Variants in PRKCE observed in about 807,000 individuals in gnomAD.
The protein encoded by PRKCE is protein kinase C epsilon type.
A neutral mutation model predicts 85.4 loss-of-function variants in PRKCE; 16 were observed. That is an observed-to-expected ratio of 0.19 (90% confidence interval 0.13 to 0.28). The LOEUF (loss-of-function observed/expected upper bound fraction) is 0.28. Ranked by LOEUF, PRKCE falls within the 10% of genes least tolerant of loss-of-function variation. PRKCE has a pLI of 1.00. For missense variants in PRKCE, 573 were observed against 975.2 expected (o/e 0.59, Z 5.49); for synonymous variants, 388 against 371.5 (o/e 1.04, Z -0.51).
At chr2:46,104,806 C>G (rs1671563322) in intron 11 of PRKCE, among the ~76,000 whole-genome samples, 1 of 152,112 alleles carries the variant, frequency 6.6e-6, no homozygotes, top group Non-Finnish European at 1.5e-5. Context: ...GTGTTCTTGT[C>G]CAGGTCCTTT....
chr2:45,938,799 C>T (rs1699668178), intron 2 of PRKCE, among the ~76,000 whole-genome samples: 1 of 152,208 alleles, frequency 6.6e-6, no homozygotes, highest in African/African-American at 2.4e-5. Flanking sequence ...CTTTCTCACT[C>T]ATCTACAGTT....
Position 46,085,237 on chromosome 2 carries a change from C to T in PRKCE, c.1438-971C>T, listed in dbSNP as rs906046594. Among the ~76,000 whole-genome samples, 25 of 152,192 alleles carry T rather than the reference C, an allele frequency of 1.6e-4. No homozygotes were observed. In the South Asian group the frequency reaches 1.9e-3, roughly 11 times the overall value. ...CAATAAGGTGTGACTGTGGTTTGGC[C>T]GTTCTGAGGGCTGCCTTGCAGGAGG... On this transcript the variant is annotated intron_variant, in intron 10 of 14. Coordinates refer to ENST00000306156, the MANE Select transcript of PRKCE (RefSeq NM_005400.3).
At chr2:45,941,047 C>G (rs1275236912) in intron 2 of PRKCE, among the ~76,000 whole-genome samples, 1 of 96,152 alleles carries the variant, frequency 1.0e-5, no homozygotes, top group Admixed American at 1.8e-4. Flanking sequence ...GCCTGGGTGA[C>G]AGAGTGAGAC....
intron 1 of PRKCE, among the ~76,000 whole-genome samples, chr2:45,789,727 C>A (rs1487707544): frequency 1.3e-5 from 2 of 152,212 alleles, no homozygotes; most frequent in Non-Finnish European, 2.9e-5. Flanking sequence ...TTTGAAAATA[C>A]CCCTGCCACC....
intron 14 of PRKCE, among the ~76,000 whole-genome samples, chr2:46,163,996 T>C (rs974438356): frequency 6.6e-6 from 1 of 152,060 alleles, no homozygotes; most frequent in African/African-American, 2.4e-5. Context: ...ACAGAGGTTG[T>C]GGTGAGGTGG....
At chr2:45,720,149 G>A (rs1373250715) in intron 1 of PRKCE, among the ~76,000 whole-genome samples, 2 of 152,118 alleles carry the variant, frequency 1.3e-5, no homozygotes, top group Non-Finnish European at 2.9e-5. Context: ...GAGGGAGAGG[G>A]GCTGGAGGGG....
intron 2 of PRKCE, among the ~76,000 whole-genome samples, chr2:45,941,444 G>A (rs1190150078): frequency 6.6e-6 from 1 of 152,192 alleles, no homozygotes; most frequent in Non-Finnish European, 1.5e-5. Flanking sequence ...ATTACTCTTT[G>A]GAATGGGAGA....
At chr2:46,039,775 C>T (rs1465565249) in intron 10 of PRKCE, among the ~76,000 whole-genome samples, 1 of 152,152 alleles carries the variant, frequency 6.6e-6, no homozygotes, top group Non-Finnish European at 1.5e-5. Flanking sequence ...ATACGAGGCT[C>T]TTCAATTAGA....
intron 1 of PRKCE, among the ~76,000 whole-genome samples, chr2:45,823,586 C>CG (rs1157394414): frequency 6.6e-6 from 1 of 152,156 alleles, no homozygotes. Flanking sequence ...GCAAGAAAGT[C>CG]GGGGGTAGGG....
intron 5 of PRKCE, among the ~76,000 whole-genome samples, chr2:45,981,135 A>T (rs982134003): frequency 3.3e-5 from 5 of 152,212 alleles, no homozygotes; most frequent in African/African-American, 1.2e-4. Flanking sequence ...AAATGCAACA[A>T]TGAAGCTAGG....
intron 1 of PRKCE, among the ~76,000 whole-genome samples, chr2:45,763,783 G>T (rs756224811): frequency 6.6e-6 from 1 of 152,064 alleles, no homozygotes; most frequent in African/African-American, 2.4e-5. Context: ...GGAAAGAGAA[G>T]GCCAGCTCTA....
At chr2:45,901,628 GC>G (rs1254139261) in intron 2 of PRKCE, among the ~76,000 whole-genome samples, 1 of 152,234 alleles carries the variant, frequency 6.6e-6, no homozygotes, top group Non-Finnish European at 1.5e-5. Context: ...AAAGAAATAT[GC>G]TGCTGGGACG....
chr2:45,788,712 T>G (rs7558342), intron 1 of PRKCE, among the ~76,000 whole-genome samples: 74,171 of 152,054 alleles, frequency 0.49, 18,113 homozygotes, highest in East Asian at 0.52. Context: ...ATGTGGACAT[T>G]ATAACATCAA....
At chr2:46,065,228 G>C (rs1667523350) in intron 10 of PRKCE, among the ~76,000 whole-genome samples, 1 of 151,942 alleles carries the variant, frequency 6.6e-6, no homozygotes, top group Non-Finnish European at 1.5e-5. Flanking sequence ...GACTGTTCAA[G>C]ACCTGTATCT....
At chr2:45,857,743 G>A (rs1692794100) in intron 2 of PRKCE, among the ~76,000 whole-genome samples, 1 of 152,046 alleles carries the variant, frequency 6.6e-6, no homozygotes, top group Non-Finnish European at 1.5e-5. Context: ...AGGGTAGGAG[G>A]CAATAAAGTA....
At chr2:45,758,293 A>G (rs889941266) in intron 1 of PRKCE, among the ~76,000 whole-genome samples, 2 of 152,252 alleles carry the variant, frequency 1.3e-5, no homozygotes, top group African/African-American at 4.8e-5. Context: ...ACTGCATGAA[A>G]AGTATTTAGA....
In PRKCE at chr2:46,184,434, AACACACACAC is replaced by A. The variant is rs3834107; in HGVS notation, c.2068-282_2068-273del. On this transcript the variant is annotated intron_variant, in intron 14 of 14. Transcript: ENST00000306156. This position sits in a 1 kb window ranked among gnomAD's most constrained non-coding sequence, Gnocchi z 5.0. ...GGGACCTTTGCATCATACACACACA[AACACACACAC>A]ACACACACACACACACACGTCTGTG... Among the ~76,000 whole-genome samples, 4 of 149,096 alleles carry A rather than the reference AACACACACAC, an allele frequency of 2.7e-5. No homozygotes were observed. Among genetic ancestry groups the A allele is most frequent in the South Asian group, 2.1e-4 (1 of 4,682 alleles).
In PRKCE at chr2:45,843,052, C is replaced by T. The variant is rs754144461; in HGVS notation, c.401C>T (p.Ser134Leu). The stretch of plus-strand genomic sequence containing the variant: ...TATGTGATCATCGATCTCTCAGGGT[C>T]GTCGGGTGAAGGTAGGAGAGCGTGA... Reference protein sequence around the residue: ...RVYVIIDLSGSSGEAPKDNEE... With the variant: ...RVYVIIDLSGLSGEAPKDNEE... The change falls in exon 2 of 15, where the codon TCG becomes TTG. Residue 134 changes from serine to leucine, a missense_variant. This residue lies in a region of PRKCE where 33 missense variants were observed against 33.7 expected (regional missense o/e 0.98). Transcript: ENST00000306156. The T allele has an allele frequency of 8.7e-6, 14 of 1,614,080 alleles. No homozygotes were observed. The highest frequency in any genetic ancestry group is 2.2e-5 in the East Asian group (1 of 44,888).
At chr2:46,017,227 C>A (rs775642727) in intron 10 of PRKCE, among the ~76,000 whole-genome samples, 5 of 152,148 alleles carry the variant, frequency 3.3e-5, no homozygotes, top group Non-Finnish European at 7.3e-5. Flanking sequence ...TCCCTCTCCC[C>A]ACAGCCCTTG....
Sources: allele counts gnomAD v4.1 joint callset (sites outside exome capture counted in the v4.1 genomes callset), GRCh38; gene constraint gnomAD v4.1.1; regional missense constraint gnomAD v4.1.1; non-coding constraint Gnocchi (gnomAD v3.1); transcripts MANE v1.5; gene names NCBI Gene and HGNC (gene_info 2026-07-23, HGNC 2026-07-21).